Variants in DGKB observed in about 807,000 individuals in gnomAD.
DGKB encodes the protein 90 kDa diacylglycerol kinase.
A neutral mutation model predicts 114.3 loss-of-function variants in DGKB; 67 were observed. That is an observed-to-expected ratio of 0.59 (90% confidence interval 0.48 to 0.72). DGKB has a LOEUF of 0.72. DGKB is among the 30% of genes least tolerant of loss of function. DGKB has a pLI of 0.00. For synonymous variants in DGKB, 398 were observed against 323.1 expected (o/e 1.23, Z -2.49); for missense variants, 907 against 975.2 (o/e 0.93, Z 0.93).
At chr7:14,281,206 C>T (rs952049419) in intron 23 of DGKB, among the ~76,000 whole-genome samples, 1 of 151,638 alleles carries the variant, frequency 6.6e-6, no homozygotes, top group Non-Finnish European at 1.5e-5. Flanking sequence ...GCAGGGGTTG[C>T]AATCCTAGTC....
intron 1 of DGKB, among the ~76,000 whole-genome samples, chr7:14,887,756 T>C (rs934666863): frequency 4.0e-5 from 6 of 151,810 alleles, no homozygotes; most frequent in Admixed American, 6.6e-5. Context: ...TAAAATTGTA[T>C]CATATATTTA....
At chr7:14,673,730 T>G (rs974661244) in intron 12 of DGKB, among the ~76,000 whole-genome samples, 6 of 152,058 alleles carry the variant, frequency 3.9e-5, no homozygotes, top group African/African-American at 1.4e-4. Flanking sequence ...CAACGTGGTG[T>G]TTTAAATAGT....
At chr7:14,489,547 A>G (rs577758290) in intron 20 of DGKB, among the ~76,000 whole-genome samples, 19 of 152,354 alleles carry the variant, frequency 1.2e-4, no homozygotes, top group African/African-American at 2.9e-4. Flanking sequence ...GTGATTTGAT[A>G]TAATTTCCGA....
At chr7:14,830,992 G>A (rs914336568) in intron 2 of DGKB, among the ~76,000 whole-genome samples, 1 of 151,884 alleles carries the variant, frequency 6.6e-6, no homozygotes, top group African/African-American at 2.4e-5. Flanking sequence ...AAATGAAATG[G>A]AAGAATTAAG....
intron 25 of DGKB, among the ~76,000 whole-genome samples, chr7:14,155,526 C>T (rs1471216625): frequency 1.3e-5 from 2 of 151,952 alleles, no homozygotes; most frequent in Non-Finnish European, 2.9e-5. Context: ...TCTCTGACAG[C>T]AGAGATTAGG....
At chr7:14,502,252 T>G (rs1185760815) in intron 20 of DGKB, among the ~76,000 whole-genome samples, 1 of 151,956 alleles carries the variant, frequency 6.6e-6, no homozygotes, top group East Asian at 1.9e-4. Flanking sequence ...TACCTTCATG[T>G]TTTGAGATGA....
intron 2 of DGKB, among the ~76,000 whole-genome samples, chr7:14,773,597 GT>G (rs1837730042): frequency 6.6e-6 from 1 of 152,086 alleles, no homozygotes; most frequent in Non-Finnish European, 1.5e-5. Context: ...GAACAGTGTA[GT>G]CCCCTTTGTT....
intron 23 of DGKB, among the ~76,000 whole-genome samples, chr7:14,204,919 T>A (rs2128294581): frequency 6.6e-6 from 1 of 152,144 alleles, no homozygotes; most frequent in South Asian, 2.1e-4. Flanking sequence ...TTTAAGCACT[T>A]GTATAAGCTT....
At chr7:14,629,447 ACT>A (rs1195518928) in intron 14 of DGKB, among the ~76,000 whole-genome samples, 7 of 152,014 alleles carry the variant, frequency 4.6e-5, no homozygotes, top group Non-Finnish European at 1.0e-4. Context: ...CAGTTATGAC[ACT>A]TTTTTACAAA....
At chr7:14,928,021 T>G (rs1251539350) in intron 1 of DGKB, among the ~76,000 whole-genome samples, 3 of 151,950 alleles carry the variant, frequency 2.0e-5, no homozygotes, top group Non-Finnish European at 4.4e-5. Flanking sequence ...TACATCTAGA[T>G]GACATGAGAA....
At chr7:14,629,646 A>T (rs1345137054) in intron 14 of DGKB, among the ~76,000 whole-genome samples, 1 of 152,100 alleles carries the variant, frequency 6.6e-6, no homozygotes, top group Admixed American at 6.6e-5. Context: ...ATCAATGCAA[A>T]GGTAAAGCAA....
chr7:14,652,290 A>G (rs1158120111), intron 13 of DGKB, among the ~76,000 whole-genome samples: 1 of 152,328 alleles, frequency 6.6e-6, no homozygotes, highest in African/African-American at 2.4e-5. Flanking sequence ...CGGTACTGGT[A>G]CCAAAACAGA....
chr7:14,735,518 T>G (rs913942647), intron 5 of DGKB, among the ~76,000 whole-genome samples: 1 of 152,194 alleles, frequency 6.6e-6, no homozygotes, highest in East Asian at 1.9e-4. Context: ...ACAACAGGTA[T>G]TAATGTAAGT....
intron 1 of DGKB, among the ~76,000 whole-genome samples, chr7:14,897,557 T>C (rs1782302362): frequency 6.6e-6 from 1 of 151,906 alleles, no homozygotes. Flanking sequence ...TATTCTACTA[T>C]TTGGGTTTTT....
At chr7:14,188,881 T>G (rs1783877855) in intron 23 of DGKB, among the ~76,000 whole-genome samples, 1 of 152,058 alleles carries the variant, frequency 6.6e-6, no homozygotes, top group Non-Finnish European at 1.5e-5. Flanking sequence ...GGATGATATA[T>G]TCAAAGTGCT....
intron 17 of DGKB, among the ~76,000 whole-genome samples, chr7:14,605,807 C>A (rs78626716): frequency 1.1e-4 from 16 of 152,076 alleles, no homozygotes; most frequent in Admixed American, 4.6e-4. Flanking sequence ...ACAAATAATA[C>A]GGATAATAAA....
At chr7:14,823,286 C>T (rs1162206560) in intron 2 of DGKB, among the ~76,000 whole-genome samples, 3 of 151,836 alleles carry the variant, frequency 2.0e-5, no homozygotes, top group Non-Finnish European at 4.4e-5. Context: ...CCTATTTCTG[C>T]TTAATTACTA....
At position 14,345,353 on chromosome 7, in the gene DGKB, G is replaced by C; in HGVS notation, c.1874C>G (p.Ser625Cys). 1 of 1,545,686 alleles carries C rather than the reference G, an allele frequency of 6.5e-7. No homozygotes were observed. The highest frequency in any genetic ancestry group is 8.7e-7 in the Non-Finnish European group (1 of 1,144,072). ...CTTGCAGGTGGCTGAGAAAGTTTCA[G>C]ATGTGCCAAACTCAAAATACCAAAA... is the stretch of plus-strand genomic sequence containing the variant. Reference protein sequence around the residue: ...NKFWYFEFGTSETFSATCKKL... With the variant: ...NKFWYFEFGTCETFSATCKKL... Residue 625 changes from serine to cysteine, a missense_variant, in exon 22 of 26, where the codon TCT becomes TGT. This residue lies in a region of DGKB where 814 missense variants were observed against 856.6 expected (regional missense o/e 0.95). Coordinates refer to ENST00000402815, the MANE Select transcript of DGKB (RefSeq NM_001350709.2).
chr7:14,938,000 G>GT (rs1198044776), intron 1 of DGKB, among the ~76,000 whole-genome samples: 6 of 152,158 alleles, frequency 3.9e-5, no homozygotes, highest in Non-Finnish European at 8.8e-5. Flanking sequence ...AACAGTTAAG[G>GT]TTTTGGGGAG....
Sources: allele counts gnomAD v4.1 joint callset (sites outside exome capture counted in the v4.1 genomes callset), GRCh38; gene constraint gnomAD v4.1.1; regional missense constraint gnomAD v4.1.1; transcripts MANE v1.5; gene names NCBI Gene and HGNC (gene_info 2026-07-23, HGNC 2026-07-21).